NBEA: variants seen among roughly 807,000 people sequenced by gnomAD.
NBEA encodes the protein lysosomal-trafficking regulator 2.
Under a neutral mutation model 343.4 loss-of-function variants are expected in NBEA, and 44 were observed. That is an observed-to-expected ratio of 0.13 (90% CI 0.10 to 0.16). NBEA has a LOEUF of 0.16. Among genes scored for constraint, NBEA ranks in the 10% least tolerant of loss-of-function variants. NBEA has a pLI of 1.00. For synonymous variants in NBEA, 1,175 were observed against 1,238.7 expected, an observed-to-expected ratio of 0.95 and a Z score of 1.08; for missense variants, 2,555 against 3,631.3, an observed-to-expected ratio of 0.70 and a Z score of 7.62.
chr13:35,335,769 G>A (rs184442408), intron 36 of NBEA, among the ~76,000 whole-genome samples: 212 of 152,062 alleles, frequency 1.4e-3, no homozygotes, highest in African/African-American at 5.0e-3. Flanking sequence ...GGCAAATAGT[G>A]CGTTAACCAA....
intron 40 of NBEA, among the ~76,000 whole-genome samples, chr13:35,470,928 T>A (rs952110922): frequency 3.3e-5 from 5 of 152,272 alleles, no homozygotes; most frequent in African/African-American, 1.2e-4. Flanking sequence ...ATCGACTGCC[T>A]CTCCCTTTCC....
At chr13:34,980,190 T>G (rs948473441) in intron 1 of NBEA, among the ~76,000 whole-genome samples, 1 of 149,756 alleles carries the variant, frequency 6.7e-6, no homozygotes, top group Non-Finnish European at 1.5e-5. Context: ...AGTCTAGCTG[T>G]TTTTTTTGTT....
chr13:35,408,771 A>G (rs1227168213), intron 38 of NBEA, among the ~76,000 whole-genome samples: 3 of 152,222 alleles, frequency 2.0e-5, no homozygotes, highest in Non-Finnish European at 4.4e-5. Flanking sequence ...TGATCTTAGG[A>G]GAAATGCAAA....
At chr13:35,037,452 T>A (rs2062486402) in intron 1 of NBEA, among the ~76,000 whole-genome samples, 1 of 152,180 alleles carries the variant, frequency 6.6e-6, no homozygotes. Context: ...ATAGTGTTAA[T>A]GCTAGTAGAT....
chr13:35,290,316 T>C, intron 34 of NBEA, 73 bp from the exon 35 acceptor site: 2 of 940,316 alleles, frequency 2.1e-6, no homozygotes, highest in South Asian at 1.5e-5. Context: ...ATTAAAATTA[T>C]ATAATGAATT....
At chr13:35,280,726 C>A (rs1346794660) in intron 34 of NBEA, among the ~76,000 whole-genome samples, 1 of 151,850 alleles carries the variant, frequency 6.6e-6, no homozygotes, top group African/African-American at 2.4e-5. Context: ...AGAATCAAAT[C>A]TTTGGATGCC....
At chr13:35,038,642 G>A (rs2062537462) in intron 1 of NBEA, among the ~76,000 whole-genome samples, 1 of 152,110 alleles carries the variant, frequency 6.6e-6, no homozygotes, top group Admixed American at 6.5e-5. Flanking sequence ...GGCCCAGGGT[G>A]TATCTAGAAA....
At chr13:35,484,590 T>TA (rs71081256) in intron 41 of NBEA, among the ~76,000 whole-genome samples, 18,167 of 149,456 alleles carry the variant, frequency 0.12, 1,341 homozygotes, top group East Asian at 0.43. Context: ...TGTGTTTAAA[T>TA]AAAAAAAAAA....
chr13:35,122,035 G>GA (rs1252936772), intron 16 of NBEA, among the ~76,000 whole-genome samples: 2 of 151,100 alleles, frequency 1.3e-5, no homozygotes, highest in Non-Finnish European at 2.9e-5. Context: ...TTTTTTAATA[G>GA]AAAAAATGGA....
rs79470179 is a variant in NBEA at position 35,142,672 on chromosome 13, T to A, written c.2445+295T>A. ...CATAAACTACATCCGTTATGTAGTA[T>A]TAGTTCTGCTTCCCCATCCCCACCC... On this transcript the variant is annotated intron_variant, in intron 18 of 58. Coordinates refer to ENST00000379939, the MANE Select transcript of NBEA (RefSeq NM_001385012.1). Among the ~76,000 whole-genome samples the A allele has an allele frequency of 3.5e-3, 528 of 152,300 alleles. 4 individuals carry two copies. Among genetic ancestry groups the A allele is most frequent in the African/African-American group, 0.012 (509 of 41,550 alleles).
intron 1 of NBEA, among the ~76,000 whole-genome samples, chr13:34,968,044 T>C (rs545002379): frequency 3.5e-4 from 54 of 152,188 alleles, no homozygotes; most frequent in Admixed American, 3.2e-3. Flanking sequence ...GGTTCTGTAA[T>C]CACTAGAATG....
chr13:35,361,819 A>C (rs976148566), intron 38 of NBEA, among the ~76,000 whole-genome samples: 1 of 152,036 alleles, frequency 6.6e-6, no homozygotes, highest in African/African-American at 2.4e-5. Context: ...TAAGAAAAGC[A>C]ACCTAAATAT....
intron 10 of NBEA, among the ~76,000 whole-genome samples, chr13:35,081,417 G>A (rs1221423672): frequency 6.6e-6 from 1 of 151,896 alleles, no homozygotes; most frequent in Non-Finnish European, 1.5e-5. Context: ...TTTTGTGAAT[G>A]GATTTACTTA....
chr13:35,165,012 C>G (rs994689943), intron 24 of NBEA: 1 of 494,494 alleles, frequency 2.0e-6, no homozygotes, highest in Middle Eastern at 3.4e-4. Flanking sequence ...AAAACAAATT[C>G]TTTGATTCAG....
At chr13:35,244,260 A>T (rs192569655) in intron 34 of NBEA, among the ~76,000 whole-genome samples, 3 of 151,880 alleles carry the variant, frequency 2.0e-5, no homozygotes, top group Non-Finnish European at 2.9e-5. Flanking sequence ...TGAATATGCC[A>T]CTCACCTTAT....
chr13:35,568,537 A>T (rs566468493), intron 45 of NBEA, among the ~76,000 whole-genome samples: 6 of 152,290 alleles, frequency 3.9e-5, no homozygotes, highest in Admixed American at 3.9e-4. Flanking sequence ...ATCTAGTTAT[A>T]GATTATCTAA....
chr13:35,661,191 T>C (rs1291834824), intron 55 of NBEA, among the ~76,000 whole-genome samples: 1 of 152,168 alleles, frequency 6.6e-6, no homozygotes, highest in Non-Finnish European at 1.5e-5. Flanking sequence ...TCAGAGAGCT[T>C]CAGGTTCCAA....
chr13:35,048,465 CT>C, intron 4 of NBEA, 97 bp from the exon 5 acceptor site: 1 of 1,119,950 alleles, frequency 8.9e-7, no homozygotes, highest in Non-Finnish European at 1.2e-6. Context: ...GGTATTTATA[CT>C]TTGATTGTTA....
In NBEA at chr13:35,404,097, G is replaced by A. The variant is rs2043136755; in HGVS notation, c.6180-28172G>A. 2.6e-5 allele frequency among the ~76,000 whole-genome samples: 4 copies of A among 152,128 alleles called. No homozygotes were observed. The South Asian group carries it at 8.3e-4, about 32-fold the overall frequency. Reference sequence around the variant, plus strand: ...AATGGCGATCATTAAATCAAGTCAGGAAACAACAGGTGCTGGAGAGGATGT... The same window carrying A: ...AATGGCGATCATTAAATCAAGTCAGAAAACAACAGGTGCTGGAGAGGATGT... On this transcript the variant is annotated intron_variant, in intron 38 of 58. Coordinates refer to ENST00000379939, the MANE Select transcript of NBEA (RefSeq NM_001385012.1).
Sources: allele counts gnomAD v4.1 joint callset (sites outside exome capture counted in the v4.1 genomes callset), GRCh38; gene constraint gnomAD v4.1.1; transcripts MANE v1.5; gene names NCBI Gene and HGNC (gene_info 2026-07-23, HGNC 2026-07-21).